HSPA4L: variants seen among roughly 807,000 people sequenced by gnomAD.
HSPA4L encodes the protein heat shock protein family A (Hsp70) member 4 like.
Under a neutral mutation model 100.3 loss-of-function variants are expected in HSPA4L, and 48 were observed. The ratio of observed to expected loss-of-function variants is 0.48; its 90% CI spans 0.38 to 0.61. The LOEUF is 0.61. HSPA4L is among the 20% of genes least tolerant of loss of function. The pLI is 0.00. For missense variants in HSPA4L, 886 were observed against 988.6 expected (o/e 0.90, Z 1.39); for synonymous variants, 319 against 328.2 (o/e 0.97, Z 0.30).
chr4:127,798,737 C>A lies in HSPA4L; in HGVS notation c.429+28C>A, dbSNP rs776200482. The A allele has an allele frequency of 1.9e-6, 3 of 1,605,592 alleles. No individual in the cohort carries two copies. In the South Asian group the frequency reaches 3.3e-5, roughly 18 times the overall value. ...AAGTTTTACTTCAGTAATGAATACC[C>A]TTGAATTATATTTTACAGTGTATTA... is the stretch of plus-strand genomic sequence containing the variant. On this transcript the variant is annotated intron_variant, in intron 4 of 18. Transcript: ENST00000296464.
intron 5 of HSPA4L, 100 bp from the exon 6 acceptor site, chr4:127,801,685 A>G (rs1733187419): frequency 3.5e-6 from 3 of 859,374 alleles, no homozygotes; most frequent in East Asian, 5.5e-5. Context: ...AATAATATGT[A>G]TTACTATACT....
intron 3 of HSPA4L, among the ~76,000 whole-genome samples, chr4:127,797,793 G>C (rs1012895658): frequency 5.9e-5 from 9 of 151,984 alleles, no homozygotes; most frequent in African/African-American, 2.2e-4. Flanking sequence ...AGTAGAGACA[G>C]GGTTTCACCG....
intron 17 of HSPA4L, among the ~76,000 whole-genome samples, chr4:127,829,685 T>C (rs536851597): frequency 6.6e-6 from 1 of 152,148 alleles, no homozygotes; most frequent in African/African-American, 2.4e-5. Context: ...AATCAGGTGT[T>C]TGAAACATAA....
At chr4:127,810,855 T>G (rs1171065346) in intron 11 of HSPA4L, among the ~76,000 whole-genome samples, 2 of 152,156 alleles carry the variant, frequency 1.3e-5, no homozygotes, top group African/African-American at 2.4e-5. Flanking sequence ...TCCAAGTTTT[T>G]TACTACCTGA....
chr4:127,787,332 T>G (rs1247771774), intron 1 of HSPA4L, among the ~76,000 whole-genome samples: 1 of 152,220 alleles, frequency 6.6e-6, no homozygotes, highest in East Asian at 1.9e-4. Flanking sequence ...TACCTTTTTT[T>G]GTTAAATATT....
intron 12 of HSPA4L, among the ~76,000 whole-genome samples, chr4:127,815,845 G>A (rs946013629): frequency 2.6e-5 from 4 of 152,206 alleles, no homozygotes; most frequent in Non-Finnish European, 5.9e-5. Flanking sequence ...TGATAGTGAT[G>A]AGGAAACCAC....
upstream of HSPA4L, chr4:127,781,903 A>T (rs1732561321): frequency 1.3e-5 from 5 of 379,880 alleles, no homozygotes; most frequent in South Asian, 9.6e-5. Flanking sequence ...CAGCCAGGAC[A>T]GCATCCTGCC....
intron 1 of HSPA4L, among the ~76,000 whole-genome samples, chr4:127,783,157 G>C (rs1179535344): frequency 2.0e-5 from 3 of 150,530 alleles, no homozygotes; most frequent in African/African-American, 4.9e-5. Flanking sequence ...GAGATGAATT[G>C]CAGGTTCATC....
At chr4:127,804,165 A>G (rs1278231269) in intron 8 of HSPA4L, 78 bp downstream of exon 8, 4 of 1,138,630 alleles carry the variant, frequency 3.5e-6, no homozygotes, top group Non-Finnish European at 5.1e-6. Flanking sequence ...GATAAAATAA[A>G]TTTTTAAAAC....
chr4:127,820,795 A>G (rs1188795976), intron 14 of HSPA4L, among the ~76,000 whole-genome samples: 1 of 152,084 alleles, frequency 6.6e-6, no homozygotes, highest in Non-Finnish European at 1.5e-5. Flanking sequence ...CTCTATAGAG[A>G]AAGACTTTTC....
intron 1 of HSPA4L, among the ~76,000 whole-genome samples, chr4:127,790,734 A>G (rs181052325): frequency 1.6e-3 from 237 of 152,322 alleles, no homozygotes; most frequent in Middle Eastern, 3.4e-3. Context: ...ATTGAGTGCA[A>G]CTAGAAACCT....
chr4:127,813,292 CTT>C, intron 12 of HSPA4L: 1 of 698,254 alleles, frequency 1.4e-6, no homozygotes, highest in East Asian at 2.7e-5. Context: ...TTTAAGGTTG[CTT>C]TTTGTTTTTA....
In HSPA4L at chr4:127,833,022, T is replaced by G; in HGVS notation, c.*148T>G. 1 of 536,986 alleles carries G rather than the reference T, an allele frequency of 1.9e-6. No homozygotes were observed. 33.3% of individuals were successfully genotyped at this position (536,986 alleles called of 1,614,324 possible). A position where few individuals can be genotyped will look rare whatever the true frequency, so the allele number is the denominator to read the frequency against. ...AGTAGTTTTGAAAAGTGTTTTATAT[T>G]GAGTGCACTTCTGTTCATTTCCATT... On this transcript the variant is annotated 3_prime_UTR_variant, in exon 19 of 19. Transcript: ENST00000296464.
intron 11 of HSPA4L, chr4:127,809,330 G>T (rs1733460656): frequency 2.6e-6 from 3 of 1,157,864 alleles, no homozygotes. Flanking sequence ...AGGACTTCTG[G>T]GATCACGCTG....
At chr4:127,784,513 A>G (rs557860697) in intron 1 of HSPA4L, among the ~76,000 whole-genome samples, 3 of 152,370 alleles carry the variant, frequency 2.0e-5, no homozygotes, top group South Asian at 2.1e-4. Flanking sequence ...TAGAAAGCCA[A>G]TAGTAATATC....
At chr4:127,789,082 A>T (rs1341511226) in intron 1 of HSPA4L, among the ~76,000 whole-genome samples, 1 of 152,240 alleles carries the variant, frequency 6.6e-6, no homozygotes, top group African/African-American at 2.4e-5. Context: ...CTCTTCTGGT[A>T]GTATGTATTT....
In HSPA4L at chr4:127,805,132, G is replaced by A. The variant is rs753715012; in HGVS notation, c.1045G>A (p.Ala349Thr). 8 of 1,611,966 alleles carry A rather than the reference G, an allele frequency of 5.0e-6. No homozygotes were observed. In the South Asian group the frequency reaches 8.8e-5, roughly 18 times the overall value. The part of the protein sequence containing the change: ...EIVGGATRIP[A>T]VKEQITKFFL... ...TGTAGGAGGAGCAACACGAATTCCT[G>A]CAGTGAAAGAACAAATCACTAAATT... Residue 349 changes from alanine to threonine, a missense_variant, in exon 9 of 19, where the codon GCA becomes ACA. Ala to Thr is a moderately conservative substitution (Grantham distance 58, BLOSUM62 0). Coordinates refer to ENST00000296464, the MANE Select transcript of HSPA4L (RefSeq NM_014278.4).
chr4:127,795,823 C>T lies in HSPA4L; in HGVS notation c.221C>T (p.Ser74Leu), dbSNP rs775742078. ...IHGFKKLHGR[S>L]FDDPIVQTER... ...GGCTTCAAAAAGCTTCATGGGCGAT[C>T]ATTTGATGATCCCATTGTGCAAACT... The change falls in exon 3 of 19, where the codon TCA becomes TTA. Residue 74 changes from serine (S) to leucine (L), a missense_variant. By Grantham distance (145) the Ser-to-Leu change is moderately radical. Coordinates refer to ENST00000296464, the MANE Select transcript of HSPA4L (RefSeq NM_014278.4). 3.1e-6 allele frequency: 5 copies of T among 1,613,678 alleles called. No individual in the cohort carries two copies. In the South Asian group the frequency reaches 3.3e-5, roughly 11 times the overall value.
At position 127,832,801 on chromosome 4, in the gene HSPA4L, C is replaced by T. The variant is rs1220013002; in HGVS notation, c.2447C>T (p.Thr816Ile). Residue 816 changes from threonine to isoleucine, a missense_variant, in exon 19 of 19, where the codon ACT becomes ATT. Transcript: ENST00000296464. ...HNGPMDGQSGTETKSDSTKDS... is the reference protein window; with the variant it reads ...HNGPMDGQSGIETKSDSTKDS... Reference sequence around the variant, plus strand: ...GGCCCAATGGATGGACAGAGTGGAACTGAAACTAAATCAGATTCAACAAAA... The same window carrying T: ...GGCCCAATGGATGGACAGAGTGGAATTGAAACTAAATCAGATTCAACAAAA... The T allele has an allele frequency of 1.1e-5, 18 of 1,613,458 alleles. No homozygotes were observed. The highest frequency in any genetic ancestry group is 1.5e-5 in the Non-Finnish European group (18 of 1,179,720).
Sources: gnomAD v4.1 joint callset for allele counts (sites outside exome capture counted in the v4.1 genomes callset) on GRCh38, gnomAD v4.1.1 for gene constraint, MANE v1.5 for transcripts, NCBI Gene and HGNC (gene_info 2026-07-23, HGNC 2026-07-21) for gene names.